Variants in LSM3 observed in about 807,000 individuals in gnomAD.
The protein encoded by LSM3 is LSM3 homolog, U6 small nuclear RNA and mRNA degradation associated, also known as U6 snRNA-associated Sm-like protein LSm3.
Under a neutral mutation model 15.4 loss-of-function variants are expected in LSM3, and 14 were observed. The observed-to-expected ratio is 0.91, with a 90% confidence interval of 0.60 to 1.42. The LOEUF (loss-of-function observed/expected upper bound fraction) is 1.42, where lower values mean the gene tolerates loss of function less well. LSM3 is among the 40% of genes most tolerant of loss of function. LSM3 has a pLI of 0.00. For synonymous variants in LSM3, 46 were observed against 45.1 expected (o/e 1.02, Z -0.08); for missense variants, 88 against 127.9 (o/e 0.69, Z 1.50).
rs182330239 is a variant in LSM3, at chr3:14,195,398, C to T, written c.229-2638C>T. ...AGCTAGCAGTTTCTGCCATAGTCTGCTCCCCCCCACCCACACTGGCAACCA... is the reference window on the plus strand; with the variant it reads ...AGCTAGCAGTTTCTGCCATAGTCTGTTCCCCCCCACCCACACTGGCAACCA... On this transcript the variant is annotated intron_variant, in intron 3 of 3. Transcript: ENST00000306024. 2.4e-3 allele frequency among the ~76,000 whole-genome samples: 358 copies of T among 152,058 alleles called. 2 individuals are homozygous for T. Among genetic ancestry groups the T allele is most frequent in the Middle Eastern group, 3.4e-3 (1 of 294 alleles).
chr3:14,187,054 C>T (rs1297199844), intron 3 of LSM3, among the ~76,000 whole-genome samples: 2 of 152,178 alleles, frequency 1.3e-5, no homozygotes, highest in Non-Finnish European at 2.9e-5. Context: ...AATGACTCTT[C>T]AACTGTGGTG....
chr3:14,195,801 C>T (rs559349893), intron 3 of LSM3, among the ~76,000 whole-genome samples: 29 of 152,304 alleles, frequency 1.9e-4, no homozygotes, highest in African/African-American at 6.0e-4. Flanking sequence ...CCTGCACCCA[C>T]CTGCTAACTA....
intron 3 of LSM3, among the ~76,000 whole-genome samples, chr3:14,187,711 A>G (rs1198914204): frequency 6.6e-6 from 1 of 152,234 alleles, no homozygotes; most frequent in Admixed American, 6.5e-5. Flanking sequence ...CCACCAAAAC[A>G]GTATGGGGGA....
Position 14,183,387 on chromosome 3 carries a change from C to G in LSM3, c.133-550C>G, listed in dbSNP as rs140538846. ...TGATTGAGCCCACAGGTACTAAACA[C>G]ATTTAAGTTCTGGATAGGTTAGAAA... On this transcript the variant is annotated intron_variant, in intron 2 of 3. Transcript: ENST00000306024. Among the ~76,000 whole-genome samples the G allele has an allele frequency of 2.1e-3, 321 of 152,334 alleles. 2 individuals carry two copies. The highest frequency in any genetic ancestry group is 7.4e-3 in the African/African-American group (308 of 41,576).
intron 3 of LSM3, among the ~76,000 whole-genome samples, chr3:14,184,761 A>G (rs1357709846): frequency 1.3e-5 from 2 of 150,968 alleles, no homozygotes; most frequent in Admixed American, 6.6e-5. Context: ...CGTCTCAAAA[A>G]AAAAAAAAAC....
At chr3:14,185,213 G>A (rs1027118287) in intron 3 of LSM3, among the ~76,000 whole-genome samples, 1 of 151,912 alleles carries the variant, frequency 6.6e-6, no homozygotes, top group Non-Finnish European at 1.5e-5. Context: ...TTAGCCGGCC[G>A]TGGCGGCAGG....
intron 3 of LSM3, among the ~76,000 whole-genome samples, chr3:14,193,975 G>A (rs1559393144): frequency 6.6e-6 from 1 of 152,150 alleles, no homozygotes; most frequent in Non-Finnish European, 1.5e-5. Flanking sequence ...GAGTAGATGT[G>A]CTAATCCTTT....
At chr3:14,191,698 A>T (rs944318042) in intron 3 of LSM3, among the ~76,000 whole-genome samples, 1 of 151,338 alleles carries the variant, frequency 6.6e-6, no homozygotes, top group Non-Finnish European at 1.5e-5. Context: ...TCTGGCTAGC[A>T]GTCTATTTTG....
intron 3 of LSM3, among the ~76,000 whole-genome samples, chr3:14,191,164 G>A (rs548614983): frequency 1.1e-4 from 16 of 152,198 alleles, no homozygotes; most frequent in South Asian, 4.2e-4. Flanking sequence ...GCTTTTTGAG[G>A]TGCTGCTGGG....
intron 1 of LSM3, among the ~76,000 whole-genome samples, chr3:14,180,935 C>T (rs1196733479): frequency 6.7e-6 from 1 of 149,638 alleles, no homozygotes; most frequent in Non-Finnish European, 1.5e-5. Flanking sequence ...ACTGCAACCT[C>T]CACCTCGCCA....
Position 14,183,928 on chromosome 3 carries a change from C to T in LSM3, c.133-9C>T. ...TTAAATTTCTTGGTTCTGTACCCTC[C>T]CACTTTAGGCTTATGATCAACATTT... On this transcript the variant is annotated splice_polypyrimidine_tract_variant and intron_variant, in intron 2 of 3. Transcript: ENST00000306024. 1 of 1,590,810 alleles carries T rather than the reference C, an allele frequency of 6.3e-7. No homozygotes were observed. Among genetic ancestry groups the T allele is most frequent in the Non-Finnish European group, 8.5e-7 (1 of 1,169,904 alleles).
At chr3:14,190,861 T>C (rs919849481) in intron 3 of LSM3, among the ~76,000 whole-genome samples, 1 of 152,198 alleles carries the variant, frequency 6.6e-6, no homozygotes, top group Non-Finnish European at 1.5e-5. Flanking sequence ...CCCTGTCTTG[T>C]GCCGGTTTTC....
chr3:14,185,804 G>GC (rs1263797622), intron 3 of LSM3, among the ~76,000 whole-genome samples: 5 of 152,150 alleles, frequency 3.3e-5, no homozygotes, highest in African/African-American at 1.2e-4. Flanking sequence ...GTTACATCAG[G>GC]CACTGGTTCT....
chr3:14,180,460 T>C (rs187593262), intron 1 of LSM3, among the ~76,000 whole-genome samples: 1 of 152,144 alleles, frequency 6.6e-6, no homozygotes, highest in Admixed American at 6.5e-5. Flanking sequence ...GGCTAATTTT[T>C]GTATTTTTCG....
At chr3:14,180,820 CCTTTTTTTTTTTTTTT>C (rs1248690459) in intron 1 of LSM3, among the ~76,000 whole-genome samples, 4 of 51,392 alleles carry the variant, frequency 7.8e-5, no homozygotes, top group African/African-American at 2.3e-4. Flanking sequence ...TGCTTGCTTG[CCTTTTTTTTTTTTTTT>C]TTTTTTTTTT....
chr3:14,180,820 C>CTTTTTTTTTTTTTTTT lies in LSM3; in HGVS notation c.22-740_22-739insTTTTTTTTTTTTTTTT, dbSNP rs1436714313. On this transcript the variant is annotated intron_variant, in intron 1 of 3. Coordinates refer to ENST00000306024, the MANE Select transcript of LSM3 (RefSeq NM_014463.3). ...TGACTCCAAAGCCAGTGCTTGCTTG[C>CTTTTTTTTTTTTTTTT]CTTTTTTTTTTTTTTTTTTTTTTTT... Among the ~76,000 whole-genome samples the CTTTTTTTTTTTTTTTT allele has an allele frequency of 5.8e-5, 3 of 51,398 alleles. 1 individual carries two copies. The highest frequency in any genetic ancestry group is 1.3e-3 in the South Asian group (2 of 1,516). 33.7% of individuals were successfully genotyped at this position (51,398 alleles called of 152,430 possible).
Position 14,181,712 on chromosome 3 carries a change from C to T in LSM3, c.132+42C>T, listed in dbSNP as rs779041702. On this transcript the variant is annotated intron_variant, in intron 2 of 3. Coordinates refer to ENST00000306024, the MANE Select transcript of LSM3 (RefSeq NM_014463.3). The stretch of plus-strand genomic sequence containing the variant: ...AGTTACCTTGAAATCAGATTCCTTC[C>T]TACCCCCACTCCCTTGAAATGTAAA... 13 of 1,342,744 alleles carry T rather than the reference C, an allele frequency of 9.7e-6. No individual in the cohort carries two copies. The South Asian group carries it at 1.3e-4, about 13-fold the overall frequency. 83.2% of individuals were successfully genotyped at this position (1,342,744 alleles called of 1,614,324 possible).
chr3:14,182,337 C>CTT lies in LSM3; in HGVS notation c.132+678_132+679dup, dbSNP rs565301377. Among the ~76,000 whole-genome samples the CTT allele has an allele frequency of 2.1e-5, 3 of 145,446 alleles. No individual in the cohort carries two copies. The East Asian group carries it at 5.9e-4, about 29-fold the overall frequency. ...TCTTGCCATACATGTTTTTCAGTAC[C>CTT]TTTTTTTTTTTTCACTTAATCTTTC... is the stretch of plus-strand genomic sequence containing the variant. On this transcript the variant is annotated intron_variant, in intron 2 of 3. Transcript: ENST00000306024.
chr3:14,184,434 T>C (rs1310661330), intron 3 of LSM3, among the ~76,000 whole-genome samples: 1 of 152,196 alleles, frequency 6.6e-6, no homozygotes, highest in Non-Finnish European at 1.5e-5. Context: ...AAACTGAAAC[T>C]GAAAAATTTT....
Sources: allele counts gnomAD v4.1 joint callset (sites outside exome capture counted in the v4.1 genomes callset), GRCh38; gene constraint gnomAD v4.1.1; transcripts MANE v1.5; gene names NCBI Gene and HGNC (gene_info 2026-07-23, HGNC 2026-07-21).